Variants in LSG1 observed in about 807,000 individuals in gnomAD.
LSG1 encodes large 60S subunit nuclear export GTPase 1.
LSG1 carries 55 observed loss-of-function variants against 82.6 expected under a neutral mutation model. That is an observed-to-expected ratio of 0.67 (90% CI 0.54 to 0.83). LSG1 has a LOEUF of 0.83. Ranked by LOEUF, LSG1 falls within the 40% of genes least tolerant of loss-of-function variation. LSG1 has a pLI of 0.00. For synonymous variants in LSG1, 272 were observed against 282.5 expected, an observed-to-expected ratio of 0.96 and a Z score of 0.37; for missense variants, 809 against 807.9, an observed-to-expected ratio of 1.00 and a Z score of -0.02.
intron 7 of LSG1, among the ~76,000 whole-genome samples, chr3:194,654,506 A>T (rs1009813151): frequency 1.1e-4 from 17 of 152,214 alleles, no homozygotes; most frequent in African/African-American, 3.6e-4. Flanking sequence ...AATAGGTATG[A>T]TTTAACAATC....
In LSG1 at chr3:194,660,105, G is replaced by T. The variant is rs112602313; in HGVS notation, c.550C>A (p.Arg184=). ...SDIVVQIVDA[R]NPLLFRCEDL... ...TCACATCTAAACAGGAGTGGGTTTC[G>T]AGCATCTACTATCTGGACCACAATA... Residue 184 remains arginine, a synonymous_variant, in exon 6 of 14, where the codon CGA becomes AGA. Coordinates refer to ENST00000265245, the MANE Select transcript of LSG1 (RefSeq NM_018385.3). 6.2e-7 allele frequency: 1 copy of T among 1,613,940 alleles called. No homozygotes were observed. Among genetic ancestry groups the T allele is most frequent in the Non-Finnish European group, 8.5e-7 (1 of 1,179,946 alleles).
At chr3:194,662,136 A>C (rs1368922732) in intron 5 of LSG1, among the ~76,000 whole-genome samples, 2 of 152,244 alleles carry the variant, frequency 1.3e-5, no homozygotes, top group Non-Finnish European at 2.9e-5. Context: ...CTATCTCTCC[A>C]GGGCAAGAAC....
intron 13 of LSG1, among the ~76,000 whole-genome samples, chr3:194,644,294 G>A (rs1171985152): frequency 3.3e-5 from 5 of 150,578 alleles, no homozygotes; most frequent in Non-Finnish European, 5.9e-5. Context: ...CCCGGGAAGC[G>A]GAGCTTGCAG....
At chr3:194,644,815 C>G in intron 12 of LSG1, 69 bp from the exon 13 acceptor site, 1 of 1,267,658 alleles carries the variant, frequency 7.9e-7, no homozygotes, top group Non-Finnish European at 1.1e-6. Context: ...GAGACAGCTC[C>G]ACCCAGTCAC....
intron 10 of LSG1, among the ~76,000 whole-genome samples, chr3:194,649,216 C>A (rs1718620872): frequency 6.6e-6 from 1 of 152,222 alleles, no homozygotes; most frequent in South Asian, 2.1e-4. Context: ...TTTCCTTAAG[C>A]CACTAACAAT....
intron 13 of LSG1, among the ~76,000 whole-genome samples, 178 bp downstream of exon 13, chr3:194,644,386 ATAAATAAAT>A (rs1274339996): frequency 1.5e-3 from 147 of 95,036 alleles, no homozygotes; most frequent in East Asian, 6.2e-3. Context: ...AAAAATAAAA[ATAAATAAAT>A]AAATAAATAA....
chr3:194,644,543 C>G, intron 13 of LSG1, 30 bp downstream of exon 13: 1 of 1,567,024 alleles, frequency 6.4e-7, no homozygotes. Context: ...AGTGTTGGAT[C>G]AGAAGTTTAA....
intron 2 of LSG1, among the ~76,000 whole-genome samples, chr3:194,667,929 A>AG (rs1719062596): frequency 2.0e-5 from 2 of 101,674 alleles, no homozygotes; most frequent in East Asian, 2.5e-4. Context: ...GTCTCAAAAA[A>AG]AAAAAAAAAA....
Position 194,666,277 on chromosome 3 carries a change from G to A in LSG1, c.360C>T (p.Asn120=), listed in dbSNP as rs147211318. 2.9e-5 allele frequency: 47 copies of A among 1,613,878 alleles called. No homozygotes were observed. The highest frequency in any genetic ancestry group is 3.9e-5 in the Non-Finnish European group (46 of 1,179,974). Residue 120 remains asparagine (N), a synonymous_variant, in exon 4 of 14, where the codon AAC becomes AAT. Coordinates refer to ENST00000265245, the MANE Select transcript of LSG1 (RefSeq NM_018385.3). ...TGAGTTCTTCTGGGGTAGTATTTTG[G>A]TTCCAGTTTGGTCTGAAACAATCAT... ...FLCIPRRPNW[N]QNTTPEELKQ... is the part of the protein sequence containing the mutation.
At chr3:194,645,531 GACAGACACACACACACACACACACACAC>G (rs1718512418) in intron 12 of LSG1, 1 of 35,118 alleles carries the variant, frequency 2.8e-5, no homozygotes, top group Non-Finnish European at 5.4e-5. Flanking sequence ...CACACACACA[GACAGACACACACACACACACACACACAC>G]ACACACACAC....
At chr3:194,665,980 G>T (rs189378479) in intron 4 of LSG1, among the ~76,000 whole-genome samples, 223 of 152,328 alleles carry the variant, frequency 1.5e-3, no homozygotes, top group Non-Finnish European at 2.7e-3. Flanking sequence ...GAAAGGAAAA[G>T]GCCCGGAACT....
chr3:194,672,014 G>C (rs554089707), intron 1 of LSG1, 50 bp downstream of exon 1: 10 of 1,541,290 alleles, frequency 6.5e-6, no homozygotes, highest in South Asian at 2.2e-5. Flanking sequence ...GAATTTTGCA[G>C]CACTCAGGCT....
In LSG1 at chr3:194,666,234, T is replaced by G. The variant is rs201770833; in HGVS notation, c.403A>C (p.Asn135His). ...AGCTGACGTCTCCATTCTAGAAAGT[T>G]ATCTTTCTCTGCTTGTTTGAGTTCT... ...PEELKQAEKDNFLEWRRQLVR... is the reference protein window; with the variant it reads ...PEELKQAEKDHFLEWRRQLVR... Residue 135 changes from asparagine (N) to histidine (H), a missense_variant, in exon 4 of 14, where the codon AAC becomes CAC. Physicochemically the swap from Asn to His is moderately conservative, Grantham distance 68. Coordinates refer to ENST00000265245, the MANE Select transcript of LSG1 (RefSeq NM_018385.3). The G allele has an allele frequency of 8.0e-5, 129 of 1,614,172 alleles. 1 individual carries two copies. The highest frequency in any genetic ancestry group is 4.5e-4 in the Admixed American group (27 of 60,024).
intron 2 of LSG1, among the ~76,000 whole-genome samples, chr3:194,667,115 A>T (rs762472620): frequency 1.3e-5 from 2 of 151,670 alleles, no homozygotes; most frequent in African/African-American, 2.4e-5. Flanking sequence ...CCCAGGCTGG[A>T]GTGAAGTGGC....
At chr3:194,651,971 TTTGGGGCAGGGGG>T (rs1718682796) in intron 8 of LSG1, among the ~76,000 whole-genome samples, 1 of 152,138 alleles carries the variant, frequency 6.6e-6, no homozygotes, top group African/African-American at 2.4e-5. Context: ...AAACAGGCAT[TTTGGGGCAGGGGG>T]TTGGGGCAGA....
chr3:194,641,352 C>G lies in LSG1; in HGVS notation c.*716G>C, dbSNP rs1216589324. On this transcript the variant is annotated 3_prime_UTR_variant, in exon 14 of 14. Transcript: ENST00000265245. ...CCATCCCGAAGCAACCACTAATCTA[C>G]TTCCTCTATATGGAGATTTGCTTAT... 1 of 152,222 alleles carries G rather than the reference C, an allele frequency of 6.6e-6. No individual in the cohort carries two copies. The highest frequency in any genetic ancestry group is 1.5e-5 in the Non-Finnish European group (1 of 68,044). The allele number at this position is 152,222 out of a possible 1,614,324, so 9.4% of individuals were successfully genotyped here. A position where few individuals can be genotyped will look rare whatever the true frequency, so the allele number is the denominator to read the frequency against.
intron 10 of LSG1, 24 bp from the exon 11 acceptor site, chr3:194,648,828 T>C: frequency 6.2e-7 from 1 of 1,613,440 alleles, no homozygotes; most frequent in Non-Finnish European, 8.5e-7. Flanking sequence ...GAATCCATTC[T>C]CTTGAACGGA....
At chr3:194,670,853 G>A (rs571046100) in intron 1 of LSG1, among the ~76,000 whole-genome samples, 3 of 152,300 alleles carry the variant, frequency 2.0e-5, no homozygotes, top group African/African-American at 7.2e-5. Context: ...GCTAAGGCAG[G>A]AGGATTGCTT....
intron 13 of LSG1, among the ~76,000 whole-genome samples, chr3:194,643,450 G>A (rs371796400): frequency 1.3e-5 from 2 of 151,980 alleles, no homozygotes; most frequent in African/African-American, 2.4e-5. Context: ...ATAAAATGAC[G>A]CTCAGCATCA....
Sources: gnomAD v4.1 joint callset for allele counts (sites outside exome capture counted in the v4.1 genomes callset) on GRCh38, gnomAD v4.1.1 for gene constraint, MANE v1.5 for transcripts, NCBI Gene and HGNC (gene_info 2026-07-23, HGNC 2026-07-21) for gene names.